MTHFD2L: variants seen among roughly 807,000 people sequenced by gnomAD.
MTHFD2L encodes methylenetetrahydrofolate dehydrogenase (NADP+ dependent) 2 like.
Under a neutral mutation model 34.9 loss-of-function variants are expected in MTHFD2L, and 29 were observed. That is an observed-to-expected ratio of 0.83 (90% CI 0.62 to 1.13). MTHFD2L has a LOEUF of 1.13. Ranked by LOEUF, MTHFD2L falls within the 50% of genes most tolerant of loss-of-function variation. MTHFD2L has a pLI of 0.00. For synonymous variants in MTHFD2L, 167 were observed against 155.7 expected (o/e 1.07, Z -0.54); for missense variants, 481 against 446.5 (o/e 1.08, Z -0.70).
chr4:74,199,168 T>G (rs897615407), intron 3 of MTHFD2L, among the ~76,000 whole-genome samples: 1 of 152,260 alleles, frequency 6.6e-6, no homozygotes, highest in East Asian at 1.9e-4. Context: ...CATCCCATAT[T>G]TCATTTGATT....
intron 6 of MTHFD2L, among the ~76,000 whole-genome samples, chr4:74,266,504 A>G (rs931664564): frequency 6.6e-6 from 1 of 152,156 alleles, no homozygotes. Flanking sequence ...GGAAAAATAT[A>G]TTTTTGTTTT....
upstream of MTHFD2L, among the ~76,000 whole-genome samples, chr4:74,153,694 A>G (rs1724080485): frequency 1.3e-5 from 2 of 152,232 alleles, no homozygotes; most frequent in South Asian, 4.1e-4. Context: ...GTCCACCTTT[A>G]AAGATTCTCT....
chr4:74,140,334 T>A (rs909428035), intron 1 of MTHFD2L: 10 of 166,252 alleles, frequency 6.0e-5, no homozygotes, highest in Non-Finnish European at 1.2e-4. Context: ...GATAAAAAAA[T>A]GAAGTAATCT....
upstream of MTHFD2L, among the ~76,000 whole-genome samples, chr4:74,121,661 T>TAAATATATATTTAATTATATAATATATAA (rs1560397899): frequency 9.6e-5 from 14 of 145,838 alleles, no homozygotes; most frequent in Non-Finnish European, 1.8e-4. Flanking sequence ...TATATATAAT[T>TAAATATATATTTAATTATATAATATATAA]AAATATATAT....
intron 3 of MTHFD2L, among the ~76,000 whole-genome samples, chr4:74,190,809 A>G (rs935820438): frequency 1.1e-4 from 16 of 152,334 alleles, no homozygotes; most frequent in African/African-American, 3.1e-4. Context: ...TTGAGAGACT[A>G]TAGGTAGTTT....
chr4:74,228,704 T>G (rs1397830743), intron 6 of MTHFD2L, among the ~76,000 whole-genome samples: 1 of 152,000 alleles, frequency 6.6e-6, no homozygotes, highest in Non-Finnish European at 1.5e-5. Flanking sequence ...AAATCAGCCT[T>G]GAGTACAGAT....
intron 7 of MTHFD2L, among the ~76,000 whole-genome samples, chr4:74,297,955 T>A (rs754735569): frequency 1.3e-4 from 20 of 152,082 alleles, no homozygotes; most frequent in Non-Finnish European, 2.9e-4. Context: ...CACTTACTTC[T>A]GTATCCTGAT....
At chr4:74,122,087 T>A (rs1721793673), upstream of MTHFD2L, among the ~76,000 whole-genome samples, 1 of 152,218 alleles carries the variant, frequency 6.6e-6, no homozygotes, top group Non-Finnish European at 1.5e-5. Context: ...CAATTCTTTT[T>A]TTTTTCTAGG....
chr4:74,142,152 G>A (rs1385453406), intron 1 of MTHFD2L, among the ~76,000 whole-genome samples: 2 of 152,188 alleles, frequency 1.3e-5, no homozygotes, highest in Admixed American at 6.5e-5. Context: ...AAGAATGTTT[G>A]ATTGGAGAGC....
intron 3 of MTHFD2L, among the ~76,000 whole-genome samples, chr4:74,176,731 C>T (rs1178178221): frequency 6.6e-6 from 1 of 151,968 alleles, no homozygotes; most frequent in African/African-American, 2.4e-5. Flanking sequence ...TATTATTTAA[C>T]TGAATTGTTG....
rs574079833 is a variant in MTHFD2L at position 74,144,234 on chromosome 4, C to A, written c.-296-15821C>A. Among the ~76,000 whole-genome samples, 66 of 152,236 alleles carry A rather than the reference C, an allele frequency of 4.3e-4. 1 individual carries two copies. Among genetic ancestry groups the A allele is most frequent in the South Asian group, 1.0e-3 (5 of 4,828 alleles). On this transcript the variant is annotated intron_variant, in intron 1 of 7. Coordinates refer to the MTHFD2L transcript ENST00000433372. ...TTGGGAGGCTGAGGCAGGTGGATAACCTGAGGTCAGGAGTTCGAGACCAGC... is the reference window on the plus strand; with the variant it reads ...TTGGGAGGCTGAGGCAGGTGGATAAACTGAGGTCAGGAGTTCGAGACCAGC...
intron 6 of MTHFD2L, among the ~76,000 whole-genome samples, chr4:74,273,844 A>T (rs2110254699): frequency 6.6e-6 from 1 of 152,176 alleles, no homozygotes; most frequent in African/African-American, 2.4e-5. Flanking sequence ...CCAGGTGCAA[A>T]CCTCACACGT....
intron 3 of MTHFD2L, among the ~76,000 whole-genome samples, chr4:74,195,993 C>CCCTTTAGCT (rs1360971071): frequency 1.3e-5 from 2 of 152,132 alleles, no homozygotes; most frequent in Admixed American, 1.3e-4. Context: ...CTTGAATTTT[C>CCCTTTAGCT]CCTTTAGCTT....
chr4:74,189,490 T>TCC (rs1578406257), intron 3 of MTHFD2L, among the ~76,000 whole-genome samples: 1 of 132,478 alleles, frequency 7.5e-6, no homozygotes, highest in South Asian at 2.3e-4. Context: ...TCTTCCTTTT[T>TCC]TTTTTTTTTT....
chr4:74,283,442 G>A (rs1747748997), intron 7 of MTHFD2L, among the ~76,000 whole-genome samples: 1 of 152,060 alleles, frequency 6.6e-6, no homozygotes, highest in Non-Finnish European at 1.5e-5. Flanking sequence ...GTGTATCTAA[G>A]TATATATAAA....
chr4:74,178,246 T>A (rs1195144249), intron 3 of MTHFD2L, among the ~76,000 whole-genome samples: 1 of 152,106 alleles, frequency 6.6e-6, no homozygotes, highest in Non-Finnish European at 1.5e-5. Context: ...TTAAATGTTC[T>A]CACCACAAAA....
At chr4:74,218,769 C>T (rs1737648244) in intron 5 of MTHFD2L, among the ~76,000 whole-genome samples, 1 of 152,040 alleles carries the variant, frequency 6.6e-6, no homozygotes, top group Non-Finnish European at 1.5e-5. Context: ...GAAAACTGCT[C>T]AGGTGGGTCC....
At chr4:74,119,920 G>A (rs1162715865), upstream of MTHFD2L, among the ~76,000 whole-genome samples, 2 of 151,994 alleles carry the variant, frequency 1.3e-5, no homozygotes, top group African/African-American at 4.8e-5. Flanking sequence ...GAAACCTTCA[G>A]AACTGCTTCA....
intron 5 of MTHFD2L, among the ~76,000 whole-genome samples, chr4:74,223,443 A>G (rs1738585831): frequency 6.6e-6 from 1 of 151,996 alleles, no homozygotes; most frequent in Non-Finnish European, 1.5e-5. Flanking sequence ...AGAGAGGGGA[A>G]CAACAGACAC....
Sources: gnomAD v4.1 joint callset for allele counts (sites outside exome capture counted in the v4.1 genomes callset) on GRCh38, gnomAD v4.1.1 for gene constraint, MANE v1.5 for transcripts, NCBI Gene and HGNC (gene_info 2026-07-23, HGNC 2026-07-21) for gene names.